Variants in ARL5B observed in about 807,000 individuals in gnomAD.
ARL5B encodes the protein ARF like GTPase 5B.
ARL5B carries 10 observed loss-of-function variants against 26.9 expected under a neutral mutation model. The observed-to-expected ratio is 0.37, with a 90% CI of 0.23 to 0.63. The LOEUF is 0.63. Among genes scored for constraint, ARL5B ranks in the 30% least tolerant of loss-of-function variants. ARL5B has a pLI of 0.62. For synonymous variants in ARL5B, 87 were observed against 70.4 expected (o/e 1.24, Z -1.18); for missense variants, 167 against 213.9 (o/e 0.78, Z 1.37).
intron 4 of ARL5B, among the ~76,000 whole-genome samples, chr10:18,673,202 C>T (rs1469130700): frequency 6.6e-6 from 1 of 152,006 alleles, no homozygotes; most frequent in Non-Finnish European, 1.5e-5. Flanking sequence ...GCTGGGATTA[C>T]AGGAACCCGC....
rs1338888784 is a variant in ARL5B at position 18,664,654 on chromosome 10, G to T, written c.47-1921G>T. 2.0e-5 allele frequency among the ~76,000 whole-genome samples: 3 copies of T among 150,802 alleles called. 1 individual carries two copies. The highest frequency in any genetic ancestry group is 7.3e-5 in the African/African-American group (3 of 40,962). Reference sequence around the variant, plus strand: ...AGGGTTTCACCGTGTTAGCCAGGATGGTCTTGATCTCCTGACCTCGTGATC... The same window carrying T: ...AGGGTTTCACCGTGTTAGCCAGGATTGTCTTGATCTCCTGACCTCGTGATC... On this transcript the variant is annotated intron_variant, in intron 1 of 5. Coordinates refer to ENST00000377275, the MANE Select transcript of ARL5B (RefSeq NM_178815.5).
At chr10:18,664,155 A>G (rs1014343086) in intron 1 of ARL5B, among the ~76,000 whole-genome samples, 5 of 148,582 alleles carry the variant, frequency 3.4e-5, no homozygotes, top group Non-Finnish European at 6.0e-5. Flanking sequence ...AGTTTCACCA[A>G]ATTAGCCAGG....
intron 3 of ARL5B, among the ~76,000 whole-genome samples, chr10:18,670,156 C>A (rs994613475): frequency 6.6e-6 from 1 of 151,980 alleles, no homozygotes; most frequent in Non-Finnish European, 1.5e-5. Flanking sequence ...TCCAATGCAA[C>A]GTGTAAGTAA....
intron 3 of ARL5B, among the ~76,000 whole-genome samples, chr10:18,670,221 A>T (rs1054933043): frequency 3.9e-5 from 6 of 152,164 alleles, no homozygotes; most frequent in African/African-American, 1.2e-4. Context: ...GAATTATTTT[A>T]TTGGGTATGC....
Position 18,659,451 on chromosome 10 carries a change from C to G in ARL5B, c.-187C>G. Reference sequence around the variant, plus strand: ...GGCTCAGTGGGCTCGAAACAAAGGGCTGTCCGGTGGGGATTCGTCGCGGCG... The same window carrying G: ...GGCTCAGTGGGCTCGAAACAAAGGGGTGTCCGGTGGGGATTCGTCGCGGCG... On this transcript the variant is annotated 5_prime_UTR_variant, in exon 1 of 6. Transcript: ENST00000377275. 1.4e-6 allele frequency: 1 copy of G among 703,756 alleles called. No individual in the cohort carries two copies. The highest frequency in any genetic ancestry group is 2.2e-6 in the Non-Finnish European group (1 of 452,404). The allele number at this position is 703,756 out of a possible 1,614,324, so 43.6% of individuals were successfully genotyped here. A position where few individuals can be genotyped will look rare whatever the true frequency, so the allele number is the denominator to read the frequency against.
In ARL5B at chr10:18,677,744, A is replaced by G. The variant is rs926450883; in HGVS notation, c.*2528A>G. 5.3e-5 allele frequency: 8 copies of G among 152,228 alleles called. No homozygotes were observed. The highest frequency in any genetic ancestry group is 1.9e-4 in the African/African-American group (8 of 41,398). 9.4% of individuals were successfully genotyped at this position (152,228 alleles called of 1,614,324 possible). On this transcript the variant is annotated 3_prime_UTR_variant, in exon 6 of 6. Coordinates refer to ENST00000377275, the MANE Select transcript of ARL5B (RefSeq NM_178815.5). ...TATTTTGAAATAAGTTCTTAGTTTT[A>G]TATTATACCTGTTCTTTAGAAGTCA...
rs187926940 is a variant in ARL5B, at chr10:18,677,753, C to T, written c.*2537C>T. ...ATAAGTTCTTAGTTTTATATTATAC[C>T]TGTTCTTTAGAAGTCATGTTAGCAG... On this transcript the variant is annotated 3_prime_UTR_variant, in exon 6 of 6. Transcript: ENST00000377275. The T allele has an allele frequency of 1.6e-4, 24 of 152,024 alleles. No homozygotes were observed. The highest frequency in any genetic ancestry group is 4.8e-4 in the African/African-American group (20 of 41,438). The allele number at this position is 152,024 out of a possible 1,614,324, so 9.4% of individuals were successfully genotyped here.
Position 18,680,871 on chromosome 10 carries a change from T to C in ARL5B, c.*5655T>C, listed in dbSNP as rs780984320. ...AGAGTGAATGATTATAATCACACTT[T>C]GCTATTTTAACATAAATTGGTGCTT... On this transcript the variant is annotated 3_prime_UTR_variant, in exon 6 of 6. Coordinates refer to ENST00000377275, the MANE Select transcript of ARL5B (RefSeq NM_178815.5). 2 of 152,146 alleles carry C rather than the reference T, an allele frequency of 1.3e-5. No homozygotes were observed. The highest frequency in any genetic ancestry group is 6.6e-5 in the Admixed American group (1 of 15,264). 9.4% of individuals were successfully genotyped at this position (152,146 alleles called of 1,614,324 possible).
intron 4 of ARL5B, 86 bp from the exon 5 acceptor site, chr10:18,673,898 G>A: frequency 2.4e-6 from 3 of 1,266,148 alleles, no homozygotes; most frequent in South Asian, 4.2e-5. Context: ...TTATGTTAAA[G>A]TAGAAGCACT....
chr10:18,676,079 A>C lies in ARL5B; in HGVS notation c.*863A>C, dbSNP rs1251055259. On this transcript the variant is annotated 3_prime_UTR_variant, in exon 6 of 6. Coordinates refer to ENST00000377275, the MANE Select transcript of ARL5B (RefSeq NM_178815.5). ...GGAATATATTTTAGCATCAGTTTAC[A>C]AACAACTTTATTATCAACAGAAATT... is the stretch of plus-strand genomic sequence containing the variant. 1 of 152,424 alleles carries C rather than the reference A, an allele frequency of 6.6e-6. No individual in the cohort carries two copies. The highest frequency in any genetic ancestry group is 1.5e-5 in the Non-Finnish European group (1 of 67,916). 9.4% of individuals were successfully genotyped at this position (152,424 alleles called of 1,614,324 possible).
chr10:18,673,348 C>G (rs888544912), intron 4 of ARL5B, among the ~76,000 whole-genome samples: 4 of 152,160 alleles, frequency 2.6e-5, no homozygotes, highest in African/African-American at 9.7e-5. Flanking sequence ...GTGTGAGCCA[C>G]TGTGCCTGGC....
chr10:18,660,882 C>G (rs1439714170), intron 1 of ARL5B, among the ~76,000 whole-genome samples: 1 of 152,158 alleles, frequency 6.6e-6, no homozygotes, highest in East Asian at 1.9e-4. Context: ...GAGTCTTTCT[C>G]TGTCGCCCAG....
At position 18,672,571 on chromosome 10, in the gene ARL5B, CTT is replaced by C. The variant is rs751554273; in HGVS notation, c.256-48_256-47del. On this transcript the variant is annotated intron_variant, in intron 3 of 5. Coordinates refer to ENST00000377275, the MANE Select transcript of ARL5B (RefSeq NM_178815.5). The stretch of plus-strand genomic sequence containing the variant: ...ATTACTTGAGTAGTTTTACAGAAAA[CTT>C]TTCAGCATCCCATTCAATTTTCTGT... 6 of 1,425,256 alleles carry C rather than the reference CTT, an allele frequency of 4.2e-6. 1 individual carries two copies. In the South Asian group the frequency reaches 6.0e-5, roughly 14 times the overall value. 88.3% of individuals were successfully genotyped at this position (1,425,256 alleles called of 1,614,324 possible). A position where few individuals can be genotyped will look rare whatever the true frequency, so the allele number is the denominator to read the frequency against.
chr10:18,661,532 C>T (rs1453935463), intron 1 of ARL5B, among the ~76,000 whole-genome samples: 5 of 152,012 alleles, frequency 3.3e-5, no homozygotes, highest in Admixed American at 6.6e-5. Context: ...TTATTTTATT[C>T]TTATTCATTC....
chr10:18,665,423 C>T (rs2059857052), intron 1 of ARL5B, among the ~76,000 whole-genome samples: 3 of 152,180 alleles, frequency 2.0e-5, no homozygotes, highest in African/African-American at 7.2e-5. Flanking sequence ...GAAAATAGCC[C>T]TTCCAGAGGA....
chr10:18,675,066 G>A (rs45466995), intron 5 of ARL5B, 102 bp from the exon 6 acceptor site: 58,200 of 978,422 alleles, frequency 0.059, 2,139 homozygotes, highest in Non-Finnish European at 0.072. Context: ...TATAAATAAT[G>A]ATTGTGCTAC....
rs574893265 is a variant in ARL5B, at chr10:18,679,212, G to A, written c.*3996G>A. The A allele has an allele frequency of 6.6e-6, 1 of 151,918 alleles. No homozygotes were observed. Among genetic ancestry groups the A allele is most frequent in the East Asian group, 1.9e-4 (1 of 5,174 alleles). 9.4% of individuals were successfully genotyped at this position (151,918 alleles called of 1,614,324 possible). A position where few individuals can be genotyped will look rare whatever the true frequency, so the allele number is the denominator to read the frequency against. ...AAAACAAGCCATATTGCTAAGAAAA[G>A]GATAGTAAGCTGCTTAGAAAGAACC... On this transcript the variant is annotated 3_prime_UTR_variant, in exon 6 of 6. Transcript: ENST00000377275.
rs1201231102 is a variant in ARL5B, at chr10:18,666,493, C to G, written c.47-82C>G. On this transcript the variant is annotated intron_variant, in intron 1 of 5. Transcript: ENST00000377275. Reference sequence around the variant, plus strand: ...TCAGTGAATGATTCTCATTAATGAGCTAACTAATAATCATTGTTGAAAGCA... The same window carrying G: ...TCAGTGAATGATTCTCATTAATGAGGTAACTAATAATCATTGTTGAAAGCA... 8.1e-6 allele frequency: 9 copies of G among 1,111,350 alleles called. No individual in the cohort carries two copies. The East Asian group carries it at 2.3e-4, about 28-fold the overall frequency. The allele number at this position is 1,111,350 out of a possible 1,614,324, so 68.8% of individuals were successfully genotyped here. A position where few individuals can be genotyped will look rare whatever the true frequency, so the allele number is the denominator to read the frequency against.
Position 18,663,386 on chromosome 10 carries a change from C to T in ARL5B, c.47-3189C>T, listed in dbSNP as rs537143240. Among the ~76,000 whole-genome samples the T allele has an allele frequency of 3.6e-4, 55 of 152,264 alleles. 1 individual carries two copies. The South Asian group carries it at 0.011, about 31-fold the overall frequency. ...CTTTTTCAGAACCATGTAACAGTAA[C>T]ATCTTAATTTCATAATTTAATCATT... On this transcript the variant is annotated intron_variant, in intron 1 of 5. Coordinates refer to ENST00000377275, the MANE Select transcript of ARL5B (RefSeq NM_178815.5).
Sources: gnomAD v4.1 joint callset for allele counts (sites outside exome capture counted in the v4.1 genomes callset) on GRCh38, gnomAD v4.1.1 for gene constraint, MANE v1.5 for transcripts, NCBI Gene and HGNC (gene_info 2026-07-23, HGNC 2026-07-21) for gene names.